The following TRDN variants were observed in gnomAD, a reference collection of about 807,000 sequenced individuals.
TRDN encodes the protein triadin in skeletal muscle.
In TRDN, 161 loss-of-function variants were observed where a neutral mutation model predicts 149.7. That is an observed-to-expected ratio of 1.08 (90% confidence interval 0.95 to 1.23). The LOEUF is 1.23. TRDN is among the 50% of genes most tolerant of loss of function. The pLI, the probability that TRDN is intolerant of heterozygous loss-of-function variation, is 0.00. For missense variants in TRDN, 896 were observed against 823.5 expected (o/e 1.09, Z -1.08); for synonymous variants, 294 against 250.5 (o/e 1.17, Z -1.64).
chr6:123,587,221 G>C (rs1562409167), intron 1 of TRDN, among the ~76,000 whole-genome samples: 1 of 152,130 alleles, frequency 6.6e-6, no homozygotes, highest in Non-Finnish European at 1.5e-5. Context: ...TCTGAAACCT[G>C]GACGAATAAT....
Position 123,271,155 on chromosome 6 carries a change from G to T in TRDN, c.1704C>A (p.Val568=). 6.5e-7 allele frequency: 1 copy of T among 1,536,134 alleles called. No individual in the cohort carries two copies. The highest frequency in any genetic ancestry group is 1.2e-5 in the South Asian group (1 of 81,426). The change falls in exon 30 of 41, where the codon GTC becomes GTA. Residue 568 remains valine (V), a synonymous_variant. Transcript: ENST00000334268. ...CTTATTTACCTGTTTTTTCTATTGT[G>T]ACAGCTTTTACCTGCTTGAGAACTT... The part of the protein sequence containing the change: ...EEKVLKQVKA[V]TIEKTAKPKP...
intron 12 of TRDN, among the ~76,000 whole-genome samples, chr6:123,419,074 A>T (rs1773786346): frequency 6.6e-6 from 1 of 151,962 alleles, no homozygotes; most frequent in Non-Finnish European, 1.5e-5. Flanking sequence ...GAGAGGCTAA[A>T]AAAAGAAACT....
At position 123,548,448 on chromosome 6, in the gene TRDN, T is replaced by G. The variant is rs1005893782; in HGVS notation, c.391+6A>C. 3 of 1,547,756 alleles carry G rather than the reference T, an allele frequency of 1.9e-6. No individual in the cohort carries two copies. The highest frequency in any genetic ancestry group is 2.0e-5 in the Admixed American group (1 of 49,300). On this transcript the variant is annotated splice_donor_region_variant and intron_variant, in intron 3 of 40. Coordinates refer to ENST00000334268, the MANE Select transcript of TRDN (RefSeq NM_006073.4). The stretch of plus-strand genomic sequence containing the variant: ...GCAGTTAGATATATCTCTATGTTCT[T>G]TGTACCTTTATCAGTATCTTCGTCA...
chr6:123,331,740 C>A lies in TRDN; in HGVS notation c.1471+139G>T, dbSNP rs902089117. 1.5e-5 allele frequency: 8 copies of A among 539,492 alleles called. No homozygotes were observed. In the South Asian group the frequency reaches 2.1e-4, roughly 14 times the overall value. The allele number at this position is 539,492 out of a possible 1,614,324, so 33.4% of individuals were successfully genotyped here. A position where few individuals can be genotyped will look rare whatever the true frequency, so the allele number is the denominator to read the frequency against. ...TAGAATTTAATGATGGAATATAAAT[C>A]TTTTTTCTTTTGCTTAAAAACATAT... On this transcript the variant is annotated intron_variant, in intron 23 of 40. Coordinates refer to ENST00000334268, the MANE Select transcript of TRDN (RefSeq NM_006073.4).
intron 4 of TRDN, among the ~76,000 whole-genome samples, chr6:123,546,076 T>C (rs111332959): frequency 7.2e-5 from 11 of 152,146 alleles, no homozygotes; most frequent in Non-Finnish European, 1.3e-4. Flanking sequence ...TAATGACTAA[T>C]AACTCACTTA....
Position 123,337,588 on chromosome 6 carries a change from T to G in TRDN, c.1420+31A>C, listed in dbSNP as rs532281829. On this transcript the variant is annotated intron_variant, in intron 22 of 40. Coordinates refer to ENST00000334268, the MANE Select transcript of TRDN (RefSeq NM_006073.4). ...CAATAATATATATTTCCTAATAAAT[T>G]TGTAATATTATATTAAATTAACTCT... 2.1e-5 allele frequency: 23 copies of G among 1,102,872 alleles called. No individual in the cohort carries two copies. In the East Asian group the frequency reaches 6.2e-4, roughly 30 times the overall value. The allele number at this position is 1,102,872 out of a possible 1,614,324, so 68.3% of individuals were successfully genotyped here.
intron 1 of TRDN, among the ~76,000 whole-genome samples, chr6:123,608,785 A>G (rs1233549802): frequency 2.0e-5 from 3 of 152,138 alleles, no homozygotes; most frequent in African/African-American, 7.2e-5. Flanking sequence ...GCTTAAAATC[A>G]TATGTCTTTG....
At chr6:123,343,255 T>A (rs1320457718) in intron 21 of TRDN, among the ~76,000 whole-genome samples, 1 of 152,064 alleles carries the variant, frequency 6.6e-6, no homozygotes, top group Non-Finnish European at 1.5e-5. Context: ...TTATGCCCAT[T>A]TATTTTTTAT....
intron 21 of TRDN, among the ~76,000 whole-genome samples, chr6:123,343,725 G>A (rs962275): frequency 0.19 from 28,143 of 151,778 alleles, 3,559 homozygotes; most frequent in East Asian, 0.63. Flanking sequence ...CATGTACCCT[G>A]AAACTTAAAG....
At chr6:123,520,395 G>A (rs1366351987) in intron 5 of TRDN, among the ~76,000 whole-genome samples, 1 of 152,102 alleles carries the variant, frequency 6.6e-6, no homozygotes, top group Non-Finnish European at 1.5e-5. Flanking sequence ...AAAGAATGTA[G>A]TTATCTAATT....
chr6:123,581,284 G>T (rs189139787), intron 1 of TRDN, among the ~76,000 whole-genome samples: 64 of 152,090 alleles, frequency 4.2e-4, no homozygotes, highest in African/African-American at 1.5e-3. Flanking sequence ...TTAATCTTTT[G>T]ACCTGAACTC....
At chr6:123,434,356 C>T (rs1774466115) in intron 12 of TRDN, among the ~76,000 whole-genome samples, 1 of 152,116 alleles carries the variant, frequency 6.6e-6, no homozygotes, top group Admixed American at 6.6e-5. Flanking sequence ...AGACTGAAAG[C>T]AGAAATGGTT....
intron 39 of TRDN, among the ~76,000 whole-genome samples, chr6:123,223,391 T>A (rs1003015991): frequency 6.6e-6 from 1 of 151,620 alleles, no homozygotes; most frequent in African/African-American, 2.4e-5. Context: ...CCCCATGACA[T>A]GAGTTTACCT....
At chr6:123,226,286 A>C (rs1775362398) in intron 38 of TRDN, among the ~76,000 whole-genome samples, 1 of 151,884 alleles carries the variant, frequency 6.6e-6, no homozygotes, top group South Asian at 2.1e-4. Context: ...TTTAAAAATG[A>C]TGTCAGTTCC....
chr6:123,352,085 A>C (rs1440666514), intron 21 of TRDN: 1 of 979,562 alleles, frequency 1.0e-6, no homozygotes, highest in Non-Finnish European at 1.2e-6. Flanking sequence ...AATATACTCT[A>C]TTTTTGCTGT....
intron 7 of TRDN, among the ~76,000 whole-genome samples, chr6:123,511,493 AT>A (rs1040320266): frequency 6.6e-6 from 1 of 152,162 alleles, no homozygotes; most frequent in African/African-American, 2.4e-5. Flanking sequence ...AAAATAAATA[AT>A]TTTTTAAAAA....
intron 9 of TRDN, among the ~76,000 whole-genome samples, chr6:123,478,537 G>T (rs1777602295): frequency 6.6e-6 from 1 of 152,220 alleles, no homozygotes; most frequent in East Asian, 1.9e-4. Flanking sequence ...GGGAGATGGT[G>T]AAGACAGAAG....
At chr6:123,564,789 CAT>C (rs1782196133) in intron 2 of TRDN, among the ~76,000 whole-genome samples, 1 of 152,144 alleles carries the variant, frequency 6.6e-6, no homozygotes, top group Admixed American at 6.5e-5. Context: ...GTAGGTTTTA[CAT>C]AGATTATTGT....
At chr6:123,541,973 A>T (rs2114402431) in intron 4 of TRDN, among the ~76,000 whole-genome samples, 1 of 152,284 alleles carries the variant, frequency 6.6e-6, no homozygotes, top group East Asian at 1.9e-4. Context: ...TATGATGCTT[A>T]AATTTTCTGG....
Sources: gnomAD v4.1 joint callset for allele counts (sites outside exome capture counted in the v4.1 genomes callset) on GRCh38, gnomAD v4.1.1 for gene constraint, MANE v1.5 for transcripts, NCBI Gene and HGNC (gene_info 2026-07-23, HGNC 2026-07-21) for gene names.